The following PRAMEF20 variants were observed in gnomAD, a reference collection of about 807,000 sequenced individuals.
PRAMEF20 encodes the protein PRAME family member 20, also known as PRAME family member 20/21.
In PRAMEF20, 27 loss-of-function variants were observed where a neutral mutation model predicts 32.4. That is an observed-to-expected ratio of 0.83 (90% CI 0.61 to 1.15). The LOEUF is 1.15. Among genes scored for constraint, PRAMEF20 ranks in the 50% most tolerant of loss-of-function variants. The pLI, the probability that PRAMEF20 is intolerant of heterozygous loss-of-function variation, is 0.00. For missense variants in PRAMEF20, 604 were observed against 584.5 expected (o/e 1.03, Z -0.34); for synonymous variants, 256 against 235.4 (o/e 1.09, Z -0.80).
At chr1:13,419,557 G>A (rs1448982968) in intron 2 of PRAMEF20, among the ~76,000 whole-genome samples, 4 of 151,900 alleles carry the variant, frequency 2.6e-5, no homozygotes, top group Admixed American at 2.0e-4. Context: ...GAGTAGCTGG[G>A]ACAACAGGTG....
rs1208430943 is a variant in PRAMEF20, at chr1:13,418,518, C to T, written c.684C>T (p.Leu228=). 14 of 1,613,830 alleles carry T rather than the reference C, an allele frequency of 8.7e-6. No individual in the cohort carries two copies. The African/African-American group carries it at 1.2e-4, about 14-fold the overall frequency. Reference sequence around the variant, plus strand: ...TCCTGGCAGAGTTTACCCCATACCTCGGCCAGATGAGGAATCTTCGGAAGC... The same window carrying T: ...TCCTGGCAGAGTTTACCCCATACCTTGGCCAGATGAGGAATCTTCGGAAGC... Residue 228 remains leucine, a synonymous_variant, in exon 2 of 3, where the codon CTC becomes CTT. Transcript: ENST00000602960.
exon 3 of PRAMEF20, chr1:13,421,067 C>T: frequency 6.2e-7 from 1 of 1,613,920 alleles, no homozygotes; most frequent in South Asian, 1.1e-5. Flanking sequence ...GGAGCTGTAT[C>T]CTGCCCCGCG....
chr1:13,416,478 G>C (rs761196725), exon 1 of PRAMEF20: 13 of 1,613,990 alleles, frequency 8.1e-6, no homozygotes, highest in Non-Finnish European at 1.0e-5. Flanking sequence ...ATTGTTCATG[G>C]AGGCCTTCAG....
intron 2 of PRAMEF20, among the ~76,000 whole-genome samples, chr1:13,419,463 T>A (rs1641218775): frequency 6.6e-6 from 1 of 151,702 alleles, no homozygotes; most frequent in Non-Finnish European, 1.5e-5. Flanking sequence ...AACAAGATAA[T>A]TTTTTTTGTT....
upstream of PRAMEF20, chr1:13,416,209 T>C (rs1025786412): frequency 7.9e-5 from 115 of 1,461,360 alleles, no homozygotes; most frequent in African/African-American, 1.5e-3. Context: ...GAGTACAGAG[T>C]AGAATTGGAG....
chr1:13,418,689 C>T (rs1641211011), exon 2 of PRAMEF20: 2 of 1,613,696 alleles, frequency 1.2e-6, no homozygotes, highest in Admixed American at 3.3e-5. Context: ...GCCACCTGGA[C>T]CAGATGCTCA....
upstream of PRAMEF20, among the ~76,000 whole-genome samples, chr1:13,413,743 T>C (rs1227359985): frequency 6.6e-6 from 1 of 152,092 alleles, no homozygotes; most frequent in Non-Finnish European, 1.5e-5. Flanking sequence ...GGGAGAGACC[T>C]GAGGCCTGGA....
At chr1:13,412,058 A>ATTTAATTTATTTATTTAATTTAAT (rs1175113475), upstream of PRAMEF20, among the ~76,000 whole-genome samples, 1 of 141,238 alleles carries the variant, frequency 7.1e-6, no homozygotes, top group Non-Finnish European at 1.5e-5. Flanking sequence ...ATTTAATTTA[A>ATTTAATTTATTTATTTAATTTAAT]TTAATTTATT....
upstream of PRAMEF20, among the ~76,000 whole-genome samples, chr1:13,411,438 G>A (rs1641113294): frequency 6.6e-6 from 1 of 151,908 alleles, no homozygotes; most frequent in African/African-American, 2.4e-5. Context: ...AAAAAGGAGA[G>A]AAAGAGTTTA....
intron 1 of PRAMEF20, among the ~76,000 whole-genome samples, chr1:13,417,734 CTT>C (rs1275843024): frequency 0.092 from 11,526 of 125,492 alleles, 641 homozygotes; most frequent in East Asian, 0.22. Context: ...GAAGTGAGTC[CTT>C]TTTTTTTTTT....
chr1:13,411,785 C>T (rs1641116622), upstream of PRAMEF20, among the ~76,000 whole-genome samples: 1 of 152,096 alleles, frequency 6.6e-6, no homozygotes, highest in South Asian at 2.1e-4. Flanking sequence ...ACAAGTGTTC[C>T]GTGTACAGAA....
exon 1 of PRAMEF20, chr1:13,416,408 G>A (rs1641171216): frequency 6.2e-7 from 1 of 1,613,786 alleles, no homozygotes; most frequent in Admixed American, 1.7e-5. Flanking sequence ...GGAGCCTGCT[G>A]AGGGACGAGG....
chr1:13,421,248 G>A, exon 3 of PRAMEF20: 1 of 1,613,878 alleles, frequency 6.2e-7, no homozygotes, highest in South Asian at 1.1e-5. Context: ...GTAGATCGGT[G>A]TTGCTGTTGA....
rs1225179348 is a variant in PRAMEF20 at position 13,418,608 on chromosome 1, G to C, written c.774G>C (p.Gln258His). The stretch of plus-strand genomic sequence containing the variant: ...AGCAGAAGAAGGAGTTTGTTACCCA[G>C]TTCACCACTCAGTTCCTCAAGCTGC... The change falls in exon 2 of 3, where the codon CAG becomes CAC. Residue 258 changes from glutamine (Q) to histidine (H), a missense_variant. Coordinates refer to ENST00000602960, the Ensembl canonical transcript of PRAMEF20. 1.9e-6 allele frequency: 3 copies of C among 1,613,834 alleles called. No individual in the cohort carries two copies. In the African/African-American group the frequency reaches 4.0e-5, roughly 22 times the overall value.
At chr1:13,418,619 A>G in exon 2 of PRAMEF20, 2 of 1,613,992 alleles carry the variant, frequency 1.2e-6, no homozygotes, top group East Asian at 2.2e-5. Context: ...TTCACCACTC[A>G]GTTCCTCAAG....
chr1:13,421,085 T>C (rs892743985), exon 3 of PRAMEF20: 7 of 1,613,856 alleles, frequency 4.3e-6, no homozygotes, highest in Non-Finnish European at 5.1e-6. Flanking sequence ...GCGGGAGAGT[T>C]ATGATGTTCG....
chr1:13,421,218 G>A (rs1641240549), exon 3 of PRAMEF20: 3 of 1,613,836 alleles, frequency 1.9e-6, no homozygotes, highest in African/African-American at 1.3e-5. Context: ...TGTGGCAACA[G>A]GTCACTTTAC....
At chr1:13,413,245 T>G (rs1463670524), upstream of PRAMEF20, among the ~76,000 whole-genome samples, 5 of 152,338 alleles carry the variant, frequency 3.3e-5, no homozygotes, top group South Asian at 6.2e-4. Flanking sequence ...ACCTAAATCT[T>G]TCACTTTCAT....
intron 1 of PRAMEF20, among the ~76,000 whole-genome samples, chr1:13,417,163 G>T (rs546599419): frequency 6.6e-6 from 1 of 152,152 alleles, no homozygotes; most frequent in African/African-American, 2.4e-5. Flanking sequence ...CAGCGTGGAA[G>T]GGGACCTGAG....
Sources: gnomAD v4.1 joint callset for allele counts (sites outside exome capture counted in the v4.1 genomes callset) on GRCh38, gnomAD v4.1.1 for gene constraint, MANE v1.5 for transcripts, NCBI Gene and HGNC (gene_info 2026-07-23, HGNC 2026-07-21) for gene names.